Variants in GALNTL6 observed in about 807,000 individuals in gnomAD.
GALNTL6 encodes polypeptide N-acetylgalactosaminyltransferase like 6, also known as polypeptide N-acetylgalactosaminyltransferase-like 6.
In GALNTL6, 46 loss-of-function variants were observed where a neutral mutation model predicts 73.7. The ratio of observed to expected loss-of-function variants is 0.62; its 90% CI spans 0.49 to 0.80. The LOEUF (loss-of-function observed/expected upper bound fraction) is 0.80. Ranked by LOEUF, GALNTL6 falls within the 30% of genes least tolerant of loss-of-function variation. The probability of loss-of-function intolerance (pLI) is 0.00; values close to 1 mark genes in which losing one functional copy is unlikely to be tolerated. For missense variants in GALNTL6, 604 were observed against 755.0 expected, an observed-to-expected ratio of 0.80 and a Z score of 2.34; for synonymous variants, 259 against 263.7, an observed-to-expected ratio of 0.98 and a Z score of 0.17.
intron 8 of GALNTL6, among the ~76,000 whole-genome samples, chr4:172,908,315 G>T (rs1400419690): frequency 6.6e-6 from 1 of 152,074 alleles, no homozygotes; most frequent in Non-Finnish European, 1.5e-5. Context: ...ATATAAATAT[G>T]TGTGTTTGTA....
chr4:172,624,595 G>A (rs776675013), intron 5 of GALNTL6, among the ~76,000 whole-genome samples: 28 of 152,034 alleles, frequency 1.8e-4, no homozygotes, highest in Middle Eastern at 3.4e-3. Flanking sequence ...TATTACTGGC[G>A]TATGAAAAGG....
At chr4:172,997,869 T>C (rs1232844032) in intron 10 of GALNTL6, among the ~76,000 whole-genome samples, 1 of 152,170 alleles carries the variant, frequency 6.6e-6, no homozygotes, top group East Asian at 1.9e-4. Flanking sequence ...AGTAAAAAAG[T>C]TTTTGTTTTG....
rs145992018 is a variant in GALNTL6, at chr4:172,722,054, T to C, written c.554-87307T>C. Among the ~76,000 whole-genome samples the C allele has an allele frequency of 1.2e-4, 19 of 152,082 alleles. 1 individual carries two copies. The East Asian group carries it at 3.7e-3, about 29-fold the overall frequency. On this transcript the variant is annotated intron_variant, in intron 5 of 12. Coordinates refer to ENST00000506823, the MANE Select transcript of GALNTL6 (RefSeq NM_001034845.3). ...CAGTCCTGCACGAACAGAGTTCTGA[T>C]TAATGATGTGGCTCCTTTCTGTCAA...
At chr4:172,397,559 T>C (rs1005918457) in intron 5 of GALNTL6, among the ~76,000 whole-genome samples, 24 of 111,932 alleles carry the variant, frequency 2.1e-4, no homozygotes, top group African/African-American at 8.1e-4. Context: ...AGTATCTCAT[T>C]TATTTATTTA....
intron 2 of GALNTL6, among the ~76,000 whole-genome samples, chr4:171,878,706 T>C (rs1314845812): frequency 6.6e-6 from 1 of 152,202 alleles, no homozygotes; most frequent in Non-Finnish European, 1.5e-5. Context: ...GTTCATGATA[T>C]GGTATGGCTC....
At chr4:172,509,817 A>T (rs1220071519) in intron 5 of GALNTL6, among the ~76,000 whole-genome samples, 2 of 55,538 alleles carry the variant, frequency 3.6e-5, no homozygotes, top group African/African-American at 9.0e-5. Context: ...TTTTGATGCC[A>T]GTACCATGCT....
chr4:172,555,127 A>G (rs896640509), intron 5 of GALNTL6, among the ~76,000 whole-genome samples: 4 of 152,174 alleles, frequency 2.6e-5, no homozygotes, highest in South Asian at 2.1e-4. Context: ...TTGATTATCA[A>G]TAAGTGTGAA....
At chr4:172,480,409 A>G (rs1308638098) in intron 5 of GALNTL6, among the ~76,000 whole-genome samples, 2 of 152,140 alleles carry the variant, frequency 1.3e-5, no homozygotes, top group Non-Finnish European at 2.9e-5. Context: ...ACTTAAAGCT[A>G]TTGCTCATTT....
chr4:172,760,281 G>A lies in GALNTL6; in HGVS notation c.554-49080G>A, dbSNP rs576956973. The stretch of plus-strand genomic sequence containing the variant: ...GGCCAGTTCCTCCTTGTGGGTCTCA[G>A]CTTTAGGATCACCCTGTTATGTACA... On this transcript the variant is annotated intron_variant, in intron 5 of 12. Coordinates refer to ENST00000506823, the MANE Select transcript of GALNTL6 (RefSeq NM_001034845.3). Among the ~76,000 whole-genome samples the A allele has an allele frequency of 3.1e-4, 47 of 152,148 alleles. 1 individual carries two copies. The highest frequency in any genetic ancestry group is 5.7e-4 in the Non-Finnish European group (39 of 68,036).
intron 5 of GALNTL6, among the ~76,000 whole-genome samples, chr4:172,692,986 A>G (rs1002053334): frequency 6.6e-6 from 1 of 152,230 alleles, no homozygotes; most frequent in African/African-American, 2.4e-5. Flanking sequence ...TGAATATTAA[A>G]TAAGCCAAAA....
intron 5 of GALNTL6, among the ~76,000 whole-genome samples, chr4:172,385,082 C>T (rs771545978): frequency 6.3e-5 from 9 of 143,304 alleles, no homozygotes; most frequent in Admixed American, 2.8e-4. Context: ...AATTTTCATA[C>T]GTTTCAATTT....
At chr4:172,073,514 G>A (rs1471508768) in intron 2 of GALNTL6, among the ~76,000 whole-genome samples, 1 of 152,182 alleles carries the variant, frequency 6.6e-6, no homozygotes, top group African/African-American at 2.4e-5. Context: ...ACAGCTGGCT[G>A]CTATGATTTT....
At chr4:172,552,924 C>A (rs1423656324) in intron 5 of GALNTL6, among the ~76,000 whole-genome samples, 8 of 147,452 alleles carry the variant, frequency 5.4e-5, no homozygotes, top group African/African-American at 1.7e-4. Flanking sequence ...TATTAAGTAC[C>A]TTTTCTCTCA....
At chr4:172,834,690 T>C (rs1742817417) in intron 7 of GALNTL6, among the ~76,000 whole-genome samples, 1 of 152,160 alleles carries the variant, frequency 6.6e-6, no homozygotes, top group Non-Finnish European at 1.5e-5. Flanking sequence ...GCACCTGCCA[T>C]GACAGAGGAA....
chr4:171,814,339 T>A, intron 1 of GALNTL6, 73 bp from the exon 2 acceptor site: 1 of 568,248 alleles, frequency 1.8e-6, no homozygotes, highest in South Asian at 2.3e-5. Flanking sequence ...TCAAGTCATT[T>A]ATTTCTAAGC....
intron 5 of GALNTL6, among the ~76,000 whole-genome samples, chr4:172,409,457 A>T (rs916184396): frequency 1.1e-4 from 16 of 152,078 alleles, no homozygotes; most frequent in Non-Finnish European, 4.4e-5. Context: ...GATTTTATAG[A>T]TTATTAGCCT....
chr4:172,700,557 T>G (rs924829199), intron 5 of GALNTL6, among the ~76,000 whole-genome samples: 1 of 152,072 alleles, frequency 6.6e-6, no homozygotes, highest in African/African-American at 2.4e-5. Flanking sequence ...GCTAGTGTGG[T>G]TTACCTGGTA....
At chr4:171,926,286 T>C (rs1369968444) in intron 2 of GALNTL6, among the ~76,000 whole-genome samples, 1 of 152,182 alleles carries the variant, frequency 6.6e-6, no homozygotes, top group African/African-American at 2.4e-5. Flanking sequence ...TGCTTGTTAT[T>C]TGGCAATGCA....
intron 8 of GALNTL6, among the ~76,000 whole-genome samples, chr4:172,899,816 G>A (rs535691155): frequency 7.2e-5 from 11 of 152,262 alleles, no homozygotes; most frequent in East Asian, 5.8e-4. Flanking sequence ...TAGATTATTC[G>A]CGCCTCCCCT....
Sources: gnomAD v4.1 joint callset for allele counts (sites outside exome capture counted in the v4.1 genomes callset) on GRCh38, gnomAD v4.1.1 for gene constraint, MANE v1.5 for transcripts, NCBI Gene and HGNC (gene_info 2026-07-23, HGNC 2026-07-21) for gene names.